PDK3: variants seen among roughly 807,000 people sequenced by gnomAD.
PDK3 encodes pyruvate dehydrogenase kinase 3.
In PDK3, 12 loss-of-function variants were observed where a neutral mutation model predicts 32.0. That is an observed-to-expected ratio of 0.37 (90% CI 0.24 to 0.61). The LOEUF (loss-of-function observed/expected upper bound fraction) is 0.61, where lower values mean the gene tolerates loss of function less well. Among genes scored for constraint, PDK3 ranks in the 20% least tolerant of loss-of-function variants. The probability of loss-of-function intolerance (pLI) is 0.65; values close to 1 mark genes in which losing one functional copy is unlikely to be tolerated. For synonymous variants in PDK3, 122 were observed against 116.3 expected (o/e 1.05, Z -0.31); for missense variants, 188 against 316.9 (o/e 0.59, Z 3.09).
chrX:24,507,128 T>C (rs57210207), intron 5 of PDK3, among the ~76,000 whole-genome samples: 11,940 of 110,797 alleles, frequency 0.11, 881 homozygotes, highest in African/African-American at 0.27. Context: ...TTTTCATCAC[T>C]CCAGAAAGAA....
chrX:24,523,130 T>C (rs745754971), intron 6 of PDK3, among the ~76,000 whole-genome samples: 3 of 111,106 alleles, frequency 2.7e-5, no homozygotes, highest in African/African-American at 9.8e-5. Flanking sequence ...ATTTGGTGTC[T>C]AGTGAGGACC....
At chrX:24,491,455 G>A (rs866742706) in intron 1 of PDK3, among the ~76,000 whole-genome samples, 1 of 110,675 alleles carries the variant, frequency 9.0e-6, no homozygotes, top group African/African-American at 3.3e-5. Flanking sequence ...GGAGCAGAGT[G>A]TGGGTCAATG....
chrX:24,501,970 G>A (rs1921868528), intron 3 of PDK3, among the ~76,000 whole-genome samples: 1 of 111,787 alleles, frequency 8.9e-6, no homozygotes, highest in South Asian at 3.7e-4. Context: ...GGTAAATTTT[G>A]CATTGATAGC....
exon 12 of PDK3, among the ~76,000 whole-genome samples, chrX:24,544,352 G>T (rs765162938): frequency 7.2e-5 from 8 of 110,599 alleles, no homozygotes; most frequent in African/African-American, 2.6e-4. Context: ...TGGATTCCAT[G>T]TAGCCCACAT....
At chrX:24,512,403 A>C (rs1277426380) in intron 5 of PDK3, among the ~76,000 whole-genome samples, 2 of 112,184 alleles carry the variant, frequency 1.8e-5, no homozygotes, top group African/African-American at 6.5e-5. Context: ...ATTCTGGTTC[A>C]GAAATAATGT....
At chrX:24,548,329 T>A (rs1432658796) in exon 12 of PDK3, 1 of 112,590 alleles carries the variant, frequency 8.9e-6, no homozygotes, top group African/African-American at 3.2e-5. Context: ...TTGATTTTGT[T>A]TGATAATTTT....
chrX:24,533,475 A>G (rs1432297958), intron 10 of PDK3, among the ~76,000 whole-genome samples: 4 of 111,661 alleles, frequency 3.6e-5, no homozygotes, highest in Admixed American at 9.5e-5. Context: ...CAACCTATGT[A>G]TGTGATACCA....
intron 1 of PDK3, among the ~76,000 whole-genome samples, chrX:24,492,860 C>T (rs1468557128): frequency 1.8e-5 from 2 of 109,263 alleles, no homozygotes. Context: ...ATTAGCCAGG[C>T]GTGGTGGTGG....
chrX:24,492,799 G>A (rs1921599673), intron 1 of PDK3, among the ~76,000 whole-genome samples: 1 of 110,330 alleles, frequency 9.1e-6, no homozygotes, highest in Non-Finnish European at 1.9e-5. Context: ...AGGAGATGGA[G>A]ACCATCCTGG....
At chrX:24,520,824 TATAC>T (rs2148198847) in intron 6 of PDK3, among the ~76,000 whole-genome samples, 2 of 112,327 alleles carry the variant, frequency 1.8e-5, no homozygotes, top group South Asian at 7.3e-4. Flanking sequence ...TTCCTATGGG[TATAC>T]ATTTAGGATT....
chrX:24,533,243 G>T (rs1602129441), intron 10 of PDK3, among the ~76,000 whole-genome samples: 1 of 106,279 alleles, frequency 9.4e-6, no homozygotes, highest in Non-Finnish European at 1.9e-5. Context: ...TTCAAGCCAT[G>T]CTCCTGCCTC....
At chrX:24,478,027 T>C (rs1921153383) in intron 1 of PDK3, among the ~76,000 whole-genome samples, 1 of 112,478 alleles carries the variant, frequency 8.9e-6, no homozygotes, top group South Asian at 3.6e-4. Flanking sequence ...TGTGTACTAA[T>C]TCTTCTTGAT....
intron 2 of PDK3, among the ~76,000 whole-genome samples, chrX:24,495,963 G>A (rs1034035608): frequency 1.9e-3 from 213 of 112,033 alleles, no homozygotes; most frequent in African/African-American, 6.6e-3. Context: ...TGTCCAGGAA[G>A]CAGGGACAAA....
intron 5 of PDK3, among the ~76,000 whole-genome samples, chrX:24,514,359 T>C (rs1421480316): frequency 3.6e-5 from 4 of 112,025 alleles, no homozygotes; most frequent in Non-Finnish European, 7.5e-5. Context: ...ATCAGTACCT[T>C]AAAACCCTTG....
At chrX:24,507,199 A>G (rs999961192) in intron 5 of PDK3, among the ~76,000 whole-genome samples, 4 of 110,917 alleles carry the variant, frequency 3.6e-5, no homozygotes, top group Non-Finnish European at 5.7e-5. Context: ...GACAACCACT[A>G]ATCTACTTTC....
intron 3 of PDK3, 67 bp downstream of exon 3, chrX:24,498,967 T>A: frequency 1.5e-6 from 1 of 665,871 alleles, no homozygotes; most frequent in East Asian, 3.5e-5. Context: ...TAAATGTAAT[T>A]CAAGTCATTA....
At chrX:24,505,185 C>T in intron 4 of PDK3, 24 bp from the exon 5 acceptor site, 1 of 1,136,891 alleles carries the variant, frequency 8.8e-7, no homozygotes, top group Non-Finnish European at 1.2e-6. Context: ...TTAATCCCCT[C>T]CCTTTCCTTT....
intron 3 of PDK3, among the ~76,000 whole-genome samples, chrX:24,500,438 C>A (rs1480967118): frequency 8.9e-6 from 1 of 111,752 alleles, no homozygotes; most frequent in Admixed American, 9.5e-5. Flanking sequence ...GACGACTATA[C>A]ACGATGTTAA....
downstream of PDK3, chrX:24,539,162 TA>T (rs1922839299): frequency 9.0e-7 from 1 of 1,111,772 alleles, no homozygotes; most frequent in African/African-American, 1.8e-5. Context: ...TAGAACTTTC[TA>T]GAGGACTGAA....
Sources: allele counts gnomAD v4.1 joint callset (sites outside exome capture counted in the v4.1 genomes callset), GRCh38; gene constraint gnomAD v4.1.1; transcripts MANE v1.5; gene names NCBI Gene and HGNC (gene_info 2026-07-23, HGNC 2026-07-21).